The following PCDHA8 variants were observed in gnomAD, a reference collection of about 807,000 sequenced individuals.
PCDHA8 encodes the protein protocadherin alpha 8.
A neutral mutation model predicts 61.8 loss-of-function variants in PCDHA8; 53 were observed. The observed-to-expected ratio is 0.86, with a 90% confidence interval of 0.69 to 1.08. The LOEUF (loss-of-function observed/expected upper bound fraction) is 1.08, where lower values mean the gene tolerates loss of function less well. PCDHA8 is among the 50% of genes least tolerant of loss of function. PCDHA8 has a pLI of 0.00. For synonymous variants in PCDHA8, 618 were observed against 556.6 expected (o/e 1.11, Z -1.55); for missense variants, 1,293 against 1,245.0 (o/e 1.04, Z -0.58).
chr5:140,842,093 G>A lies in PCDHA8; in HGVS notation c.772G>A (p.Gly258Arg), dbSNP rs145495287. The change falls in exon 1 of 4, where the codon GGA (glycine) becomes AGA (arginine). Residue 258 changes from glycine to arginine, a missense_variant. Coordinates refer to ENST00000531613, the MANE Select transcript of PCDHA8 (RefSeq NM_018911.3). ...AAGAATATTCGAAAACGCAGACAAC[G>A]GAACAACAGTTATCAAACTGAATGC... The part of the protein sequence containing the change: ...EVRIFENADN[G>R]TTVIKLNASD... The A allele has an allele frequency of 1.2e-5, 20 of 1,613,732 alleles. No homozygotes were observed. In the African/African-American group the frequency reaches 2.4e-4, roughly 19 times the overall value.
Position 140,941,209 on chromosome 5 carries a change from T to TCCTTTCTTTCTTTC in PCDHA8, c.2395-37740_2395-37739insCCTTTCTTTCTTTC, listed in dbSNP as rs59604197. 5.4e-4 allele frequency among the ~76,000 whole-genome samples: 69 copies of TCCTTTCTTTCTTTC among 126,992 alleles called. 1 individual carries two copies. Among genetic ancestry groups the TCCTTTCTTTCTTTC allele is most frequent in the African/African-American group, 2.2e-3 (68 of 31,202 alleles). The allele number at this position is 126,992 out of a possible 152,430, so 83.3% of individuals were successfully genotyped here. On this transcript the variant is annotated intron_variant, in intron 1 of 3. Coordinates refer to ENST00000531613, the MANE Select transcript of PCDHA8 (RefSeq NM_018911.3). ...TCTTTTTTTTTCTTTCTTCCTTTCT[T>TCCTTTCTTTCTTTC]TCTTCCTTTCTTTCTTTCTTTCTTT...
Position 140,858,304 on chromosome 5 carries a change from G to A in PCDHA8, c.2394+14589G>A, listed in dbSNP as rs1370473412. 5 of 1,597,320 alleles carry A rather than the reference G, an allele frequency of 3.1e-6. No homozygotes were observed. In the African/African-American group the frequency reaches 6.7e-5, roughly 21 times the overall value. ...GGAGCTGGTCTTACTCGCAGCAGAG[G>A]CGGCAGAGGGTGTGTTCTGGGGAGG... On this transcript the variant is annotated intron_variant, in intron 1 of 3. Transcript: ENST00000531613.
intron 1 of PCDHA8, chr5:140,849,602 T>G: frequency 6.3e-7 from 1 of 1,598,704 alleles, no homozygotes; most frequent in South Asian, 1.1e-5. Flanking sequence ...GGACAGTTAT[T>G]GCCCTGATTA....
chr5:140,864,892 A>G (rs1240811455), intron 1 of PCDHA8: 4 of 152,184 alleles, frequency 2.6e-5, no homozygotes, highest in African/African-American at 4.8e-5. Flanking sequence ...ATTAAGCTGC[A>G]TGGTCTTCAG....
intron 1 of PCDHA8, among the ~76,000 whole-genome samples, chr5:140,948,219 T>G (rs1285446038): frequency 6.6e-6 from 1 of 151,682 alleles, no homozygotes; most frequent in Non-Finnish European, 1.5e-5. Context: ...CAAACATTGT[T>G]AGATTTAACT....
chr5:140,943,620 A>G (rs1285848217), intron 1 of PCDHA8, among the ~76,000 whole-genome samples: 1 of 152,200 alleles, frequency 6.6e-6, no homozygotes, highest in Non-Finnish European at 1.5e-5. Context: ...ATTCATCTGC[A>G]TAAGGAAGCT....
chr5:140,872,338 A>T (rs970096150), intron 1 of PCDHA8, among the ~76,000 whole-genome samples: 2 of 152,156 alleles, frequency 1.3e-5, no homozygotes, highest in Non-Finnish European at 2.9e-5. Context: ...AAAATTCTAC[A>T]TGTTCTTGCC....
chr5:140,882,189 T>A, intron 1 of PCDHA8: 6 of 1,519,304 alleles, frequency 3.9e-6, no homozygotes, highest in Non-Finnish European at 5.3e-6. Context: ...TAGGAAGCCA[T>A]AAAAATTGGG....
chr5:140,855,882 T>C (rs1248405239), intron 1 of PCDHA8: 3 of 945,936 alleles, frequency 3.2e-6, no homozygotes, highest in Admixed American at 3.1e-5. Context: ...AATAGCTTTT[T>C]AGAACAAAGG....
At chr5:140,893,050 A>G (rs967159859) in intron 1 of PCDHA8, among the ~76,000 whole-genome samples, 1 of 152,248 alleles carries the variant, frequency 6.6e-6, no homozygotes, top group Non-Finnish European at 1.5e-5. Context: ...CTCCAGGCTC[A>G]GCCATACTGC....
intron 1 of PCDHA8, chr5:140,871,357 C>A: frequency 6.2e-7 from 1 of 1,614,196 alleles, no homozygotes; most frequent in Non-Finnish European, 8.5e-7. Flanking sequence ...ATACTCGCAG[C>A]AGAGGCGGCA....
chr5:140,929,471 G>C, intron 1 of PCDHA8: 1 of 1,293,428 alleles, frequency 7.7e-7, no homozygotes, highest in Non-Finnish European at 1.0e-6. Context: ...CAAGAAATCT[G>C]GAAGTATAGA....
At chr5:140,888,753 AC>A (rs1372547782) in intron 1 of PCDHA8, among the ~76,000 whole-genome samples, 1 of 149,022 alleles carries the variant, frequency 6.7e-6, no homozygotes, top group African/African-American at 2.5e-5. Context: ...TATTCTACCC[AC>A]TTTTTTTTTT....
intron 3 of PCDHA8, among the ~76,000 whole-genome samples, chr5:140,996,531 G>C (rs782175834): frequency 6.6e-6 from 1 of 152,146 alleles, no homozygotes; most frequent in Non-Finnish European, 1.5e-5. Context: ...GGCCCTGTGT[G>C]TTTTGATATT....
chr5:140,862,757 GC>G (rs1554156930), intron 1 of PCDHA8: 4 of 579,248 alleles, frequency 6.9e-6, no homozygotes, highest in African/African-American at 1.9e-5. Flanking sequence ...GCGGAGAGCG[GC>G]AAGAGGTACG....
chr5:140,970,248 A>G (rs1385121881), intron 1 of PCDHA8, among the ~76,000 whole-genome samples: 1 of 152,142 alleles, frequency 6.6e-6, no homozygotes, highest in Non-Finnish European at 1.5e-5. Context: ...TTCTGTTGAC[A>G]GTTTCTATGG....
At position 140,929,057 on chromosome 5, in the gene PCDHA8, C is replaced by G. The variant is rs17844370; in HGVS notation, c.2395-49892C>G. The stretch of plus-strand genomic sequence containing the variant: ...TGCGCTCAGAGCTGCTGTCGCTCTA[C>G]AGAGGATCTGAGGTATGGAAGTAAG... On this transcript the variant is annotated intron_variant, in intron 1 of 3. Coordinates refer to ENST00000531613, the MANE Select transcript of PCDHA8 (RefSeq NM_018911.3). 3 of 1,614,070 alleles carry G rather than the reference C, an allele frequency of 1.9e-6. No individual in the cohort carries two copies. The African/African-American group carries it at 4.0e-5, about 22-fold the overall frequency.
intron 1 of PCDHA8, among the ~76,000 whole-genome samples, chr5:140,951,626 C>T (rs1182328214): frequency 3.3e-5 from 5 of 152,062 alleles, no homozygotes; most frequent in African/African-American, 4.8e-5. Context: ...AAGGGGGAAA[C>T]CTGCCCCATG....
At chr5:140,899,252 C>T (rs1219703479) in intron 1 of PCDHA8, among the ~76,000 whole-genome samples, 1 of 152,142 alleles carries the variant, frequency 6.6e-6, no homozygotes, top group Non-Finnish European at 1.5e-5. Context: ...TGAGAGAGGG[C>T]ATCCCTGTCT....
Sources: allele counts gnomAD v4.1 joint callset (sites outside exome capture counted in the v4.1 genomes callset), GRCh38; gene constraint gnomAD v4.1.1; transcripts MANE v1.5; gene names NCBI Gene and HGNC (gene_info 2026-07-23, HGNC 2026-07-21).